Variants in CAND2 observed in about 807,000 individuals in gnomAD.
The protein encoded by CAND2 is cullin associated and neddylation dissociated 2 (putative), also known as cullin-associated NEDD8-dissociated protein 2.
Under a neutral mutation model 98.9 loss-of-function variants are expected in CAND2, and 62 were observed. The ratio of observed to expected loss-of-function variants is 0.63; its 90% CI spans 0.51 to 0.77. The LOEUF is 0.77. Ranked by LOEUF, CAND2 falls within the 30% of genes least tolerant of loss-of-function variation. The pLI is 0.00. For synonymous variants in CAND2, 770 were observed against 731.9 expected (o/e 1.05, Z -0.84); for missense variants, 1,501 against 1,655.2 (o/e 0.91, Z 1.62).
chr3:12,834,029 C>A lies in CAND2; in HGVS notation c.*47C>A. On this transcript the variant is annotated 3_prime_UTR_variant, in exon 15 of 15. Transcript: ENST00000456430. ...CCCTCGCTTAAGAGAAAGGAGCCCA[C>A]CCAAGTCCGAGGCCTCCCCATCCCA... 6.5e-7 allele frequency: 1 copy of A among 1,528,190 alleles called. No individual in the cohort carries two copies. Among genetic ancestry groups the A allele is most frequent in the Non-Finnish European group, 9.0e-7 (1 of 1,105,016 alleles). The allele number at this position is 1,528,190 out of a possible 1,614,324, so 94.7% of individuals were successfully genotyped here.
At position 12,817,539 on chromosome 3, in the gene CAND2, T is replaced by C; in HGVS notation, c.2607T>C (p.Ala869=). 6.2e-7 allele frequency: 1 copy of C among 1,613,870 alleles called. No homozygotes were observed. The highest frequency in any genetic ancestry group is 1.3e-5 in the African/African-American group (1 of 75,072). The change falls in exon 10 of 15, where the codon GCT becomes GCC. Residue 869 remains alanine (A), a synonymous_variant. Transcript: ENST00000456430. ...QRELKAVLLE[A]LGSPSEDVRA... is the part of the protein sequence containing the mutation. The stretch of plus-strand genomic sequence containing the variant: ...AGCTGAAGGCGGTGCTCCTGGAAGC[T>C]TTGGGGTCACCCAGTGAGGATGTGA...
Position 12,817,379 on chromosome 3 carries a change from C to G in CAND2, c.2447C>G (p.Pro816Arg). The change falls in exon 10 of 15, where the codon CCC (proline) becomes CGC (arginine). Residue 816 changes from proline to arginine, a missense_variant. Transcript: ENST00000456430. Reference sequence around the variant, plus strand: ...GTGGCAGCCCTCTCAGCTGCCTGTCCCCAAGAGGCGGCAAGCACAGCCAGT... The same window carrying G: ...GTGGCAGCCCTCTCAGCTGCCTGTCGCCAAGAGGCGGCAAGCACAGCCAGT... ...RCVAALSAACPQEAASTASRL... is the reference protein window; with the variant it reads ...RCVAALSAACRQEAASTASRL... 6.2e-7 allele frequency: 1 copy of G among 1,613,850 alleles called. No individual in the cohort carries two copies.
rs1360821484 is a variant in CAND2, at chr3:12,825,658, G to A, written c.3210+19G>A. 1.9e-6 allele frequency: 3 copies of A among 1,585,380 alleles called. No individual in the cohort carries two copies. The highest frequency in any genetic ancestry group is 2.6e-6 in the Non-Finnish European group (3 of 1,165,242). ...CCGAGAGGTGTGGAGCAGAGCTGGGGACCCAGGGGAAGCTGGGGGTGATGC... is the reference window on the plus strand; with the variant it reads ...CCGAGAGGTGTGGAGCAGAGCTGGGAACCCAGGGGAAGCTGGGGGTGATGC... On this transcript the variant is annotated intron_variant, in intron 12 of 14. Transcript: ENST00000456430.
intron 2 of CAND2, among the ~76,000 whole-genome samples, chr3:12,803,997 A>G (rs1372875758): frequency 1.3e-5 from 2 of 152,038 alleles, no homozygotes; most frequent in Non-Finnish European, 2.9e-5. Flanking sequence ...CTCAAAGGGT[A>G]AGGGAGCTGG....
chr3:12,811,540 G>A (rs1040033921), intron 5 of CAND2, among the ~76,000 whole-genome samples: 1 of 152,162 alleles, frequency 6.6e-6, no homozygotes, highest in South Asian at 2.1e-4. Flanking sequence ...GCTATTTATC[G>A]AGTGCCTGCT....
chr3:12,799,518 T>C (rs2061751353), intron 1 of CAND2, among the ~76,000 whole-genome samples: 1 of 152,186 alleles, frequency 6.6e-6, no homozygotes, highest in Non-Finnish European at 1.5e-5. Flanking sequence ...CAGGGGTGTC[T>C]GAAATGCTGA....
At position 12,813,074 on chromosome 3, in the gene CAND2, CT is replaced by C; in HGVS notation, c.846del (p.Phe282LeufsTer5). 6.3e-7 allele frequency: 1 copy of C among 1,578,778 alleles called. No homozygotes were observed. Among genetic ancestry groups the C allele is most frequent in the East Asian group, 2.3e-5 (1 of 43,914 alleles). On this transcript the variant is annotated frameshift_variant, in exon 6 of 15. Coordinates refer to ENST00000456430, the MANE Select transcript of CAND2 (RefSeq NM_001162499.2). LOFTEE classifies it high-confidence loss of function. ...GAGCTCCGGGAGTCCTGCCTCCAGG[CT>C]TTTGAGGCCTTCTTGAGGAAGTATG... ...DDELRESCLQ[A>X]FEAFLRKCPK...
chr3:12,807,246 G>T, intron 2 of CAND2, 60 bp from the exon 3 acceptor site: 3 of 1,463,760 alleles, frequency 2.0e-6, no homozygotes, highest in Non-Finnish European at 2.8e-6. Flanking sequence ...GACATAAAGG[G>T]GCAGCCTGAC....
intron 10 of CAND2, among the ~76,000 whole-genome samples, chr3:12,819,729 A>G (rs996900029): frequency 6.6e-6 from 1 of 152,106 alleles, no homozygotes; most frequent in Admixed American, 6.6e-5. Context: ...TTTTAATACT[A>G]CTTTATTATT....
intron 1 of CAND2, among the ~76,000 whole-genome samples, chr3:12,797,800 A>G (rs2061737175): frequency 6.6e-6 from 1 of 152,198 alleles, no homozygotes; most frequent in African/African-American, 2.4e-5. Flanking sequence ...GACTTAGTCC[A>G]AATCCAGGCC....
chr3:12,803,114 C>T (rs1460671421), intron 1 of CAND2, among the ~76,000 whole-genome samples: 1 of 151,880 alleles, frequency 6.6e-6, no homozygotes, highest in African/African-American at 2.4e-5. Context: ...TTCAGCCTCC[C>T]AAGTAGCTGG....
intron 1 of CAND2, among the ~76,000 whole-genome samples, chr3:12,797,433 A>G (rs919285425): frequency 6.6e-6 from 1 of 151,576 alleles, no homozygotes; most frequent in Non-Finnish European, 1.5e-5. Context: ...CTTTCCAGTC[A>G]CAGGTAGGTG....
intron 4 of CAND2, 120 bp from the exon 5 acceptor site, chr3:12,809,939 A>G: frequency 3.6e-6 from 4 of 1,101,830 alleles, no homozygotes; most frequent in Non-Finnish European, 4.8e-6. Flanking sequence ...CTCTTTTGCA[A>G]GGGCCATTGA....
intron 2 of CAND2, among the ~76,000 whole-genome samples, chr3:12,806,770 G>GTTA (rs2061809315): frequency 1.3e-5 from 2 of 152,220 alleles, no homozygotes; most frequent in African/African-American, 2.4e-5. Context: ...ATCTAGGGTA[G>GTTA]GGTAAGGCCT....
chr3:12,815,934 G>A lies in CAND2; in HGVS notation c.1367G>A (p.Cys456Tyr). Residue 456 changes from cysteine (C) to tyrosine (Y), a missense_variant, in exon 9 of 15, where the codon TGC becomes TAC. Physicochemically the swap from Cys to Tyr is radical, Grantham distance 194. This residue lies in a region of CAND2 where 1,427 missense variants were observed against 1,545.3 expected (regional missense o/e 0.92). Coordinates refer to ENST00000456430, the MANE Select transcript of CAND2 (RefSeq NM_001162499.2). This position sits in a 1 kb window ranked among gnomAD's most constrained non-coding sequence, Gnocchi z 5.7. ...CGGAGCGTCAGAGCCCGCCAGGGAT[G>A]CTTCAGCCTCCTCACCGAGCTGGCG... The part of the protein sequence containing the change: ...KDRSVRARQG[C>Y]FSLLTELAGV... The A allele has an allele frequency of 6.2e-7, 1 of 1,613,882 alleles. No homozygotes were observed. The highest frequency in any genetic ancestry group is 1.7e-4 in the Middle Eastern group (1 of 6,060).
chr3:12,831,357 A>C, intron 13 of CAND2, 108 bp from the exon 14 acceptor site: 3 of 824,340 alleles, frequency 3.6e-6, no homozygotes, highest in Non-Finnish European at 4.1e-6. Context: ...CGGTGGTCTG[A>C]ACTTGGGCTT....
intron 1 of CAND2, among the ~76,000 whole-genome samples, chr3:12,801,246 C>T (rs2061764703): frequency 6.6e-6 from 1 of 151,862 alleles, no homozygotes; most frequent in Non-Finnish European, 1.5e-5. Flanking sequence ...CCATATTGGC[C>T]AGGCTGATCT....
chr3:12,801,021 C>A (rs980277153), intron 1 of CAND2, among the ~76,000 whole-genome samples: 1 of 148,314 alleles, frequency 6.7e-6, no homozygotes, highest in Non-Finnish European at 1.5e-5. Flanking sequence ...CTGCGCCCAG[C>A]CTGGAAATCA....
chr3:12,815,785 TCTGGCAAAGCCTC>T lies in CAND2; in HGVS notation c.1300-77_1300-65del. On this transcript the variant is annotated intron_variant, in intron 8 of 14. Transcript: ENST00000456430. The surrounding 1 kb of genome is among the most constrained non-coding windows in gnomAD (Gnocchi z 5.7). ...TGCCGACATCCTCCCTGGGGATGTGTCTGGCAAAGCCTCCTGGTAGTGGGCAGGTGGGTAGGTT... is the reference window on the plus strand; with the variant it reads ...TGCCGACATCCTCCCTGGGGATGTGTCTGGTAGTGGGCAGGTGGGTAGGTT... The T allele has an allele frequency of 7.3e-7, 1 of 1,369,838 alleles. No homozygotes were observed. The allele number at this position is 1,369,838 out of a possible 1,614,324, so 84.9% of individuals were successfully genotyped here.
Sources: gnomAD v4.1 joint callset for allele counts (sites outside exome capture counted in the v4.1 genomes callset) on GRCh38, gnomAD v4.1.1 for gene constraint, gnomAD v4.1.1 regional missense constraint, Gnocchi (gnomAD v3.1) non-coding constraint, MANE v1.5 for transcripts, NCBI Gene and HGNC (gene_info 2026-07-23, HGNC 2026-07-21) for gene names.